Variants in RABEP1 observed in about 807,000 individuals in gnomAD.
The protein encoded by RABEP1 is rabaptin, RAB GTPase binding effector protein 1.
RABEP1 carries 51 observed loss-of-function variants against 123.4 expected under a neutral mutation model. That is an observed-to-expected ratio of 0.41 (90% confidence interval 0.33 to 0.52). The LOEUF (loss-of-function observed/expected upper bound fraction) is 0.52, where lower values mean the gene tolerates loss of function less well. RABEP1 is among the 20% of genes least tolerant of loss of function. RABEP1 has a pLI of 0.16. For missense variants in RABEP1, 888 were observed against 996.3 expected (o/e 0.89, Z 1.46); for synonymous variants, 347 against 355.2 (o/e 0.98, Z 0.26).
At chr17:5,306,455 C>T (rs558017401) in intron 1 of RABEP1, among the ~76,000 whole-genome samples, 24 of 152,202 alleles carry the variant, frequency 1.6e-4, no homozygotes, top group Admixed American at 7.9e-4. Context: ...TGGTGAAACC[C>T]TGTCTCTACT....
At chr17:5,382,197 T>TCA (rs1304378827) in intron 17 of RABEP1, among the ~76,000 whole-genome samples, 1 of 151,662 alleles carries the variant, frequency 6.6e-6, no homozygotes, top group South Asian at 2.1e-4. Context: ...TTCTCCTGCC[T>TCA]CATCCTCCTG....
intron 1 of RABEP1, among the ~76,000 whole-genome samples, chr17:5,299,024 C>T (rs949495007): frequency 6.6e-6 from 1 of 152,094 alleles, no homozygotes; most frequent in African/African-American, 2.4e-5. Context: ...GTAAACGTAC[C>T]ACAATGCTAT....
In RABEP1 at chr17:5,354,559, GTTAA is replaced by G. The variant is rs1022031607; in HGVS notation, c.1095+73_1095+76del. 70 of 1,415,086 alleles carry G rather than the reference GTTAA, an allele frequency of 4.9e-5. No homozygotes were observed. The African/African-American group carries it at 7.9e-4, about 16-fold the overall frequency. The allele number at this position is 1,415,086 out of a possible 1,614,324, so 87.7% of individuals were successfully genotyped here. ...ACAATTTTAGCTTACTCATACATCA[GTTAA>G]TTACATTGTTCATATGAGAAGTGAG... On this transcript the variant is annotated intron_variant, in intron 8 of 17. Transcript: ENST00000537505.
intron 9 of RABEP1, 29 bp downstream of exon 9, chr17:5,361,704 T>C (rs1251162601): frequency 6.5e-7 from 1 of 1,538,426 alleles, no homozygotes; most frequent in Non-Finnish European, 8.8e-7. Flanking sequence ...GTTTTTCCTC[T>C]TGCTCACGCT....
In RABEP1 at chr17:5,383,855, A is replaced by T. The variant is rs1304539703; in HGVS notation, c.*632A>T. 9.0e-6 allele frequency: 2 copies of T among 223,400 alleles called. No homozygotes were observed. The highest frequency in any genetic ancestry group is 1.1e-4 in the Admixed American group (2 of 17,476). 13.8% of individuals were successfully genotyped at this position (223,400 alleles called of 1,614,324 possible). ...ACAAAACCAATTCATGAAGTGAATT[A>T]ATGATGAGGATCTGAAAACTTGGCT... On this transcript the variant is annotated 3_prime_UTR_variant, in exon 18 of 18. Coordinates refer to ENST00000537505, the MANE Select transcript of RABEP1 (RefSeq NM_004703.6).
intron 15 of RABEP1, among the ~76,000 whole-genome samples, chr17:5,379,703 T>A (rs1182948571): frequency 6.6e-6 from 1 of 152,198 alleles, no homozygotes; most frequent in Admixed American, 6.5e-5. Context: ...AGCCTAACTT[T>A]CCCTGCCTCC....
intron 8 of RABEP1, among the ~76,000 whole-genome samples, chr17:5,358,815 C>T (rs931245926): frequency 3.3e-5 from 5 of 152,092 alleles, no homozygotes; most frequent in African/African-American, 1.2e-4. Flanking sequence ...GGCTAGAGTA[C>T]AGTGGCACCA....
intron 2 of RABEP1, among the ~76,000 whole-genome samples, chr17:5,328,116 C>T (rs1304517957): frequency 2.0e-5 from 3 of 152,132 alleles, no homozygotes; most frequent in East Asian, 1.9e-4. Flanking sequence ...TCAAAACCTG[C>T]GACGTAAGTA....
At chr17:5,304,805 G>A (rs2075166116) in intron 1 of RABEP1, among the ~76,000 whole-genome samples, 2 of 152,144 alleles carry the variant, frequency 1.3e-5, no homozygotes, top group African/African-American at 2.4e-5. Context: ...ATGGTAATAG[G>A]GAAGGATATG....
At position 5,282,455 on chromosome 17, in the gene RABEP1, C is replaced by A; in HGVS notation, c.-32C>A. Reference sequence around the variant, plus strand: ...GAGCCCAGGACGCCGCTTCCCCGCCCATCCCCGCTCCCCGAGGCCGGCCGC... The same window carrying A: ...GAGCCCAGGACGCCGCTTCCCCGCCAATCCCCGCTCCCCGAGGCCGGCCGC... On this transcript the variant is annotated 5_prime_UTR_variant, in exon 1 of 18. Coordinates refer to ENST00000537505, the MANE Select transcript of RABEP1 (RefSeq NM_004703.6). 1 of 1,346,406 alleles carries A rather than the reference C, an allele frequency of 7.4e-7. No individual in the cohort carries two copies. The highest frequency in any genetic ancestry group is 9.6e-7 in the Non-Finnish European group (1 of 1,039,414). 83.4% of individuals were successfully genotyped at this position (1,346,406 alleles called of 1,614,324 possible).
chr17:5,309,814 C>CAAA (rs1445449305), intron 2 of RABEP1, among the ~76,000 whole-genome samples: 1 of 152,120 alleles, frequency 6.6e-6, no homozygotes, highest in African/African-American at 2.4e-5. Context: ...CAGTGATTCT[C>CAAA]AAAGTGTGAT....
At chr17:5,372,483 T>C (rs550282629) in intron 12 of RABEP1, among the ~76,000 whole-genome samples, 2 of 152,320 alleles carry the variant, frequency 1.3e-5, no homozygotes, top group African/African-American at 4.8e-5. Flanking sequence ...TCAAGTGCTC[T>C]GTGATTCCTG....
intron 2 of RABEP1, among the ~76,000 whole-genome samples, chr17:5,320,740 G>C (rs1423704655): frequency 6.6e-6 from 1 of 151,938 alleles, no homozygotes; most frequent in African/African-American, 2.4e-5. Context: ...TTTTTTGTAA[G>C]CCTTGTGATA....
intron 1 of RABEP1, among the ~76,000 whole-genome samples, chr17:5,291,562 A>T (rs1187403324): frequency 6.6e-6 from 1 of 152,168 alleles, no homozygotes; most frequent in Non-Finnish European, 1.5e-5. Flanking sequence ...TCATTTGGTT[A>T]TGATGTGAAC....
chr17:5,287,911 C>CAAAAAAAAAAAAAAAAAAAAAAAAAAA (rs200407464), intron 1 of RABEP1, among the ~76,000 whole-genome samples: 1 of 148,536 alleles, frequency 6.7e-6, no homozygotes, highest in Non-Finnish European at 1.5e-5. Context: ...GACCCTGTCT[C>CAAAAAAAAAAAAAAAAAAAAAAAAAAA]AAAAAAAAAA....
chr17:5,358,396 C>T (rs1376902378), intron 8 of RABEP1, among the ~76,000 whole-genome samples: 1 of 152,024 alleles, frequency 6.6e-6, no homozygotes, highest in African/African-American at 2.4e-5. Context: ...CCTGGCCGGG[C>T]ATGGTGGCTC....
intron 12 of RABEP1, among the ~76,000 whole-genome samples, chr17:5,372,860 A>G (rs972893563): frequency 1.3e-5 from 2 of 151,652 alleles, no homozygotes; most frequent in Admixed American, 6.6e-5. Context: ...GGTTCAAGCG[A>G]TTCTCCGGCC....
intron 8 of RABEP1, among the ~76,000 whole-genome samples, chr17:5,357,879 T>G (rs1909166571): frequency 6.6e-6 from 1 of 152,198 alleles, no homozygotes; most frequent in African/African-American, 2.4e-5. Flanking sequence ...TTGTGGTTTC[T>G]TTGGGAAAAG....
In RABEP1 at chr17:5,386,140, G is replaced by T; in HGVS notation, c.*2917G>T. On this transcript the variant is annotated 3_prime_UTR_variant, in exon 18 of 18. Coordinates refer to ENST00000537505, the MANE Select transcript of RABEP1 (RefSeq NM_004703.6). ...TTTTATAAATTAGATAATTCTACCT[G>T]TTTTACAATATGGGTTTAAGCCTTC... The T allele has an allele frequency of 1.6e-6, 2 of 1,216,766 alleles. No individual in the cohort carries two copies. The highest frequency in any genetic ancestry group is 2.5e-5 in the East Asian group (1 of 40,542). The allele number at this position is 1,216,766 out of a possible 1,614,324, so 75.4% of individuals were successfully genotyped here.
Sources: gnomAD v4.1 joint callset for allele counts (sites outside exome capture counted in the v4.1 genomes callset) on GRCh38, gnomAD v4.1.1 for gene constraint, MANE v1.5 for transcripts, NCBI Gene and HGNC (gene_info 2026-07-23, HGNC 2026-07-21) for gene names.